LY86: variants seen among roughly 807,000 people sequenced by gnomAD.
LY86 encodes the protein lymphocyte antigen 86, also known as MD-1, RP105-associated.
LY86 carries 20 observed loss-of-function variants against 17.3 expected under a neutral mutation model. The ratio of observed to expected loss-of-function variants is 1.15; its 90% CI spans 0.81 to 1.68. The LOEUF is 1.68. Among genes scored for constraint, LY86 ranks in the 40% most tolerant of loss-of-function variants. The pLI, the probability that LY86 is intolerant of heterozygous loss-of-function variation, is 0.00. For missense variants in LY86, 200 were observed against 191.9 expected (o/e 1.04, Z -0.25); for synonymous variants, 74 against 70.6 (o/e 1.05, Z -0.24).
At chr6:6,628,396 A>T (rs1455517835) in intron 3 of LY86, among the ~76,000 whole-genome samples, 1 of 148,984 alleles carries the variant, frequency 6.7e-6, no homozygotes, top group Admixed American at 6.8e-5. Context: ...CTGCGGCATC[A>T]GCCTTAAGGG....
intron 1 of LY86, among the ~76,000 whole-genome samples, chr6:6,601,696 G>A (rs1760915539): frequency 6.7e-6 from 1 of 150,342 alleles, no homozygotes; most frequent in African/African-American, 2.4e-5. Context: ...CTCCAGCCTG[G>A]GAGACAGAGT....
intron 4 of LY86, among the ~76,000 whole-genome samples, chr6:6,652,702 C>T (rs528828593): frequency 8.4e-4 from 128 of 152,342 alleles, no homozygotes; most frequent in Non-Finnish European, 1.3e-3. Context: ...AGAAACGCTG[C>T]ACTCAGTCCT....
Position 6,606,633 on chromosome 6 carries a change from G to A in LY86, c.136+17763G>A, listed in dbSNP as rs563471812. 2.8e-4 allele frequency among the ~76,000 whole-genome samples: 43 copies of A among 152,350 alleles called. No homozygotes were observed. The East Asian group carries it at 7.9e-3, about 28-fold the overall frequency. ...CCCTGCCACGCGGGGAGGAAGCTAA[G>A]GCCCGGCGAGAAATTGAGCACAGCA... On this transcript the variant is annotated intron_variant, in intron 1 of 4. Coordinates refer to ENST00000230568, the MANE Select transcript of LY86 (RefSeq NM_004271.4).
At chr6:6,605,476 C>CA (rs1410202206) in intron 1 of LY86, among the ~76,000 whole-genome samples, 1 of 152,264 alleles carries the variant, frequency 6.6e-6, no homozygotes, top group Non-Finnish European at 1.5e-5. Context: ...TTCAAGTCTT[C>CA]AATAGCTATT....
At chr6:6,637,012 T>TG (rs1194066268) in intron 3 of LY86, among the ~76,000 whole-genome samples, 1 of 148,080 alleles carries the variant, frequency 6.8e-6, no homozygotes, top group Non-Finnish European at 1.5e-5. Context: ...TGGTTTTTTT[T>TG]TTTTTTTTTT....
intron 1 of LY86, among the ~76,000 whole-genome samples, chr6:6,611,368 TCA>T (rs745658353): frequency 3.2e-4 from 49 of 152,230 alleles, no homozygotes; most frequent in Admixed American, 9.8e-4. Context: ...CCTCTCTGCC[TCA>T]GTTTTCCCAA....
intron 1 of LY86, among the ~76,000 whole-genome samples, chr6:6,615,122 C>CA (rs901708013): frequency 9.2e-5 from 14 of 151,852 alleles, no homozygotes; most frequent in South Asian, 8.3e-4. Flanking sequence ...AGGAAATGAG[C>CA]AAAAAAAACT....
chr6:6,603,621 A>AAAAAAAAAAAAAAAAAAAATG (rs1760994073), intron 1 of LY86, among the ~76,000 whole-genome samples: 1 of 137,398 alleles, frequency 7.3e-6, no homozygotes, highest in Non-Finnish European at 1.6e-5. Flanking sequence ...AAAACAAACA[A>AAAAAAAAAAAAAAAAAAAATG]AAAAAAACAA....
In LY86 at chr6:6,624,910, GT is replaced by G; in HGVS notation, c.137-12del. The G allele has an allele frequency of 7.4e-7, 1 of 1,356,978 alleles. No individual in the cohort carries two copies. Among genetic ancestry groups the G allele is most frequent in the East Asian group, 2.3e-5 (1 of 42,684 alleles). 84.1% of individuals were successfully genotyped at this position (1,356,978 alleles called of 1,614,324 possible). A position where few individuals can be genotyped will look rare whatever the true frequency, so the allele number is the denominator to read the frequency against. ...ACGATGTACTCGCAACTAATCTATT[GT>G]TTTCTTCTTCGTAGATCCATTACAA... On this transcript the variant is annotated splice_polypyrimidine_tract_variant and intron_variant, in intron 1 of 4. Transcript: ENST00000230568.
chr6:6,608,996 T>G (rs1761266828), intron 1 of LY86, among the ~76,000 whole-genome samples: 1 of 152,192 alleles, frequency 6.6e-6, no homozygotes, highest in Non-Finnish European at 1.5e-5. Flanking sequence ...AATGCTAGGG[T>G]GTGTTGATTC....
At chr6:6,603,844 G>A (rs10046355) in intron 1 of LY86, among the ~76,000 whole-genome samples, 174 of 151,772 alleles carry the variant, frequency 1.1e-3, no homozygotes, top group African/African-American at 4.0e-3. Flanking sequence ...AAAAATAATA[G>A]TAATAAATTA....
chr6:6,615,510 T>G (rs758655275), intron 1 of LY86, among the ~76,000 whole-genome samples: 126 of 152,092 alleles, frequency 8.3e-4, no homozygotes, highest in Non-Finnish European at 1.5e-3. Context: ...TCACTTGAGG[T>G]CAGGAGTTCA....
intron 1 of LY86, among the ~76,000 whole-genome samples, chr6:6,594,271 G>A (rs1322471050): frequency 2.0e-5 from 3 of 152,168 alleles, no homozygotes; most frequent in East Asian, 1.9e-4. Context: ...AACCCCACTC[G>A]GTGCCTGTTT....
chr6:6,620,553 CG>C (rs903054990), intron 1 of LY86, among the ~76,000 whole-genome samples: 17 of 152,302 alleles, frequency 1.1e-4, no homozygotes, highest in African/African-American at 4.1e-4. Context: ...GGAGTGTACC[CG>C]GGCCCCCACC....
intron 1 of LY86, among the ~76,000 whole-genome samples, chr6:6,612,900 A>T (rs571012036): frequency 5.7e-4 from 87 of 151,618 alleles, no homozygotes; most frequent in African/African-American, 2.1e-3. Context: ...AGGTTCTCCA[A>T]GTCCTCACCA....
chr6:6,649,897 T>G (rs910639111), intron 4 of LY86, among the ~76,000 whole-genome samples: 1 of 152,240 alleles, frequency 6.6e-6, no homozygotes, highest in South Asian at 2.1e-4. Flanking sequence ...CTTTGTCATT[T>G]TGGCATTTAA....
intron 1 of LY86, among the ~76,000 whole-genome samples, chr6:6,602,693 A>G (rs1760947874): frequency 6.6e-6 from 1 of 152,106 alleles, no homozygotes; most frequent in South Asian, 2.1e-4. Flanking sequence ...GCCCTTGTGA[A>G]ACATGCCTTA....
chr6:6,595,167 G>A (rs779751582), intron 1 of LY86, among the ~76,000 whole-genome samples: 35 of 150,766 alleles, frequency 2.3e-4, no homozygotes, highest in African/African-American at 7.6e-4. Flanking sequence ...AGAAAAGAGC[G>A]GAAGGAGGAG....
rs536926805 is a variant in LY86, at chr6:6,604,756, C to T, written c.136+15886C>T. On this transcript the variant is annotated intron_variant, in intron 1 of 4. Transcript: ENST00000230568. ...CACCAGGCTACCCACAACATAGCAA[C>T]GTGCTTCCCACAGTTTCCCAGAGAT... Among the ~76,000 whole-genome samples the T allele has an allele frequency of 2.6e-4, 40 of 152,044 alleles. 1 individual carries two copies. In the South Asian group the frequency reaches 8.3e-3, roughly 32 times the overall value.
Sources: gnomAD v4.1 joint callset for allele counts (sites outside exome capture counted in the v4.1 genomes callset) on GRCh38, gnomAD v4.1.1 for gene constraint, MANE v1.5 for transcripts, NCBI Gene and HGNC (gene_info 2026-07-23, HGNC 2026-07-21) for gene names.